Variants in RUFY3 observed in about 807,000 individuals in gnomAD.
The protein encoded by RUFY3 is RUN and FYVE domain containing 3.
In RUFY3, 34 loss-of-function variants were observed where a neutral mutation model predicts 84.0. The ratio of observed to expected loss-of-function variants is 0.40; its 90% CI spans 0.31 to 0.54. The LOEUF is 0.54. Ranked by LOEUF, RUFY3 falls within the 20% of genes least tolerant of loss-of-function variation. The probability of loss-of-function intolerance (pLI) is 0.39; values close to 1 mark genes in which losing one functional copy is unlikely to be tolerated. For missense variants in RUFY3, 507 were observed against 736.8 expected, an observed-to-expected ratio of 0.69 and a Z score of 3.61; for synonymous variants, 242 against 252.9, an observed-to-expected ratio of 0.96 and a Z score of 0.41.
chr4:70,738,677 T>C (rs1328904323), intron 1 of RUFY3, among the ~76,000 whole-genome samples: 1 of 151,966 alleles, frequency 6.6e-6, no homozygotes, highest in African/African-American at 2.4e-5. Context: ...TTTCATCTTT[T>C]TAACTTCCAT....
At chr4:70,786,023 GA>G (rs1729740197) in intron 10 of RUFY3, among the ~76,000 whole-genome samples, 1 of 152,120 alleles carries the variant, frequency 6.6e-6, no homozygotes. Context: ...CACTTGAATG[GA>G]TAAAGAAAGC....
intron 1 of RUFY3, among the ~76,000 whole-genome samples, chr4:70,743,773 A>G (rs904378590): frequency 8.5e-5 from 13 of 152,138 alleles, no homozygotes; most frequent in African/African-American, 3.1e-4. Flanking sequence ...TCCTCTTTAC[A>G]GAAAAGTCTT....
At chr4:70,745,473 T>C (rs1006773139) in intron 1 of RUFY3, among the ~76,000 whole-genome samples, 2 of 152,202 alleles carry the variant, frequency 1.3e-5, no homozygotes, top group South Asian at 2.1e-4. Context: ...TTATTACCTT[T>C]AGTTTTTCAA....
Position 70,773,569 on chromosome 4 carries a change from A to G in RUFY3, c.755A>G (p.Glu252Gly). 4 of 1,606,218 alleles carry G rather than the reference A, an allele frequency of 2.5e-6. No homozygotes were observed. Among genetic ancestry groups the G allele is most frequent in the Non-Finnish European group, 3.4e-6 (4 of 1,173,110 alleles). ...GACGGGAACAGCAGTAAAGGTACTG[A>G]AGGGTACGTACAAAGAAAATTAGAT... ...LKDGNSSKGT[E>G]GDGQITAILD... is the part of the protein sequence containing the mutation. The change falls in exon 6 of 18, where the codon GAA becomes GGA. Residue 252 changes from glutamate (E) to glycine (G), a missense_variant. Around this residue, in one of 4 missense-constraint regions of RUFY3, gnomAD observed 23 missense variants for 17.0 expected, o/e 1.36. Coordinates refer to ENST00000381006, the MANE Select transcript of RUFY3 (RefSeq NM_001037442.4).
rs962219692 is a variant in RUFY3, at chr4:70,793,829, A to G, written c.1382A>G (p.Asn461Ser). 8.1e-6 allele frequency: 13 copies of G among 1,614,032 alleles called. No individual in the cohort carries two copies. The highest frequency in any genetic ancestry group is 5.0e-5 in the Admixed American group (3 of 59,996). The stretch of plus-strand genomic sequence containing the variant: ...AGCCGCCAATCTGCTGAGTTGGACA[A>G]CCGGCTCTTCAAACAGGACTTTGGA... ...ERSRQSAELD[N>S]RLFKQDFGDK... The change falls in exon 13 of 18, where the codon AAC becomes AGC. Residue 461 changes from asparagine (N) to serine (S), a missense_variant. This residue lies in a region of RUFY3 where 334 missense variants were observed against 364.1 expected (regional missense o/e 0.92). Transcript: ENST00000381006.
At chr4:70,766,540 C>T (rs545891464) in intron 4 of RUFY3, among the ~76,000 whole-genome samples, 6 of 152,274 alleles carry the variant, frequency 3.9e-5, no homozygotes, top group South Asian at 4.1e-4. Flanking sequence ...CCACCGCACC[C>T]GCCTGTTTCC....
intron 7 of RUFY3, among the ~76,000 whole-genome samples, chr4:70,775,957 A>AC (rs6148508): frequency 6.7e-6 from 1 of 150,318 alleles, no homozygotes; most frequent in Non-Finnish European, 1.5e-5. Flanking sequence ...AAAAAAAAAA[A>AC]CGAAAAAAAA....
intron 6 of RUFY3, among the ~76,000 whole-genome samples, chr4:70,774,807 T>C (rs967925039): frequency 1.6e-4 from 24 of 151,372 alleles, no homozygotes; most frequent in Admixed American, 7.2e-4. Flanking sequence ...CCTATGACAA[T>C]TGGAAAGTTG....
chr4:70,706,101 C>G (rs953184905), intron 1 of RUFY3, among the ~76,000 whole-genome samples: 3 of 152,212 alleles, frequency 2.0e-5, no homozygotes, highest in African/African-American at 7.2e-5. Context: ...GAGTAGGGCC[C>G]TAGAGTCGTC....
At chr4:70,714,365 A>G (rs1741338910) in intron 1 of RUFY3, among the ~76,000 whole-genome samples, 1 of 152,236 alleles carries the variant, frequency 6.6e-6, no homozygotes, top group Non-Finnish European at 1.5e-5. Context: ...TATGTAAAAA[A>G]CGCTGAATAG....
intron 6 of RUFY3, among the ~76,000 whole-genome samples, chr4:70,774,469 G>A (rs1727492822): frequency 6.7e-6 from 1 of 148,848 alleles, no homozygotes; most frequent in African/African-American, 2.5e-5. Flanking sequence ...AAAAAAAATA[G>A]CCAGGCATTA....
intron 1 of RUFY3, among the ~76,000 whole-genome samples, chr4:70,711,827 C>T (rs147073655): frequency 2.0e-3 from 304 of 152,330 alleles, no homozygotes; most frequent in African/African-American, 7.0e-3. Context: ...CGACTAAACA[C>T]TCTGCTTGCC....
chr4:70,803,419 T>A lies in RUFY3; in HGVS notation c.1650+436T>A, dbSNP rs1578269680. ...CTGAGTCACCCTGTCATTTACCTCT[T>A]AGGTTATAAAATAAAATAAGTCCTA... On this transcript the variant is annotated intron_variant, in intron 16 of 17. Transcript: ENST00000381006. Among the ~76,000 whole-genome samples, 6 of 152,218 alleles carry A rather than the reference T, an allele frequency of 3.9e-5. 1 individual carries two copies. Among genetic ancestry groups the A allele is most frequent in the Admixed American group, 3.9e-4 (6 of 15,292 alleles).
chr4:70,727,357 T>C (rs1416629990), intron 1 of RUFY3, among the ~76,000 whole-genome samples: 1 of 145,522 alleles, frequency 6.9e-6, no homozygotes, highest in Non-Finnish European at 1.5e-5. Flanking sequence ...GTAATAACTT[T>C]TTTTTTTTTT....
intron 1 of RUFY3, among the ~76,000 whole-genome samples, chr4:70,748,345 A>G (rs1722568062): frequency 6.6e-6 from 1 of 152,206 alleles, no homozygotes; most frequent in South Asian, 2.1e-4. Flanking sequence ...CACTTGGAAT[A>G]CCGTCCTTCA....
At position 70,763,641 on chromosome 4, in the gene RUFY3, G is replaced by C. The variant is rs1341940254; in HGVS notation, c.442G>C (p.Ala148Pro). ...KLVPEAAEITASVKDLPGLKT... is the reference protein window; with the variant it reads ...KLVPEAAEITPSVKDLPGLKT... Reference sequence around the variant, plus strand: ...TGTTCCAGAAGCCGCAGAGATAACAGCAAGTGTTAAAGATCTTCCAGGACT... The same window carrying C: ...TGTTCCAGAAGCCGCAGAGATAACACCAAGTGTTAAAGATCTTCCAGGACT... Residue 148 changes from alanine to proline, a missense_variant, in exon 3 of 18, where the codon GCA becomes CCA. By Grantham distance (27) the Ala-to-Pro change is conservative (BLOSUM62 -1). Transcript: ENST00000381006. 4 of 1,611,052 alleles carry C rather than the reference G, an allele frequency of 2.5e-6. No individual in the cohort carries two copies. Among genetic ancestry groups the C allele is most frequent in the Non-Finnish European group, 3.4e-6 (4 of 1,177,754 alleles).
intron 1 of RUFY3, among the ~76,000 whole-genome samples, chr4:70,728,321 G>A (rs1308198404): frequency 1.3e-5 from 2 of 152,202 alleles, no homozygotes; most frequent in African/African-American, 4.8e-5. Context: ...GGATGGTGTG[G>A]CTGACTGGGA....
intron 1 of RUFY3, among the ~76,000 whole-genome samples, chr4:70,754,049 AT>A (rs763659188): frequency 0.029 from 4,149 of 142,820 alleles, 75 homozygotes; most frequent in Middle Eastern, 0.059. Context: ...TTTATGGTTA[AT>A]TTTTTTTTTT....
In RUFY3 at chr4:70,790,458, T is replaced by A. The variant is rs1730625212; in HGVS notation, c.1337+866T>A. Among the ~76,000 whole-genome samples, 3 of 152,180 alleles carry A rather than the reference T, an allele frequency of 2.0e-5. 1 individual carries two copies. In the South Asian group the frequency reaches 6.2e-4, roughly 32 times the overall value. On this transcript the variant is annotated intron_variant, in intron 12 of 17. Coordinates refer to ENST00000381006, the MANE Select transcript of RUFY3 (RefSeq NM_001037442.4). ...TCCCATTTATTTCTTTCCCAATAGTTCCACCAATTAGAAATGTCCTAATTC... is the reference window on the plus strand; with the variant it reads ...TCCCATTTATTTCTTTCCCAATAGTACCACCAATTAGAAATGTCCTAATTC...
Sources: gnomAD v4.1 joint callset for allele counts (sites outside exome capture counted in the v4.1 genomes callset) on GRCh38, gnomAD v4.1.1 for gene constraint, gnomAD v4.1.1 regional missense constraint, MANE v1.5 for transcripts, NCBI Gene and HGNC (gene_info 2026-07-23, HGNC 2026-07-21) for gene names.